ADGRF3: variants seen among roughly 807,000 people sequenced by gnomAD.
ADGRF3 encodes the protein adhesion G protein-coupled receptor F3, also known as G protein-coupled receptor 113.
ADGRF3 carries 85 observed loss-of-function variants against 93.2 expected under a neutral mutation model. That is an observed-to-expected ratio of 0.91 (90% CI 0.77 to 1.09). ADGRF3 has a LOEUF of 1.09. Ranked by LOEUF, ADGRF3 falls within the 50% of genes least tolerant of loss-of-function variation. ADGRF3 has a pLI of 0.00. For synonymous variants in ADGRF3, 534 were observed against 532.5 expected, an observed-to-expected ratio of 1.00 and a Z score of -0.04; for missense variants, 1,125 against 1,246.2, an observed-to-expected ratio of 0.90 and a Z score of 1.46.
chr2:26,317,897 C>T, intron 1 of ADGRF3: 1 of 842,548 alleles, frequency 1.2e-6, no homozygotes, highest in Non-Finnish European at 2.0e-6. Flanking sequence ...CTGGACATTG[C>T]TGGCTGGGGC....
chr2:26,320,788 C>G (rs1424117586), intron 1 of ADGRF3, among the ~76,000 whole-genome samples: 11 of 152,102 alleles, frequency 7.2e-5, no homozygotes, highest in Non-Finnish European at 1.0e-4. Context: ...CCAAGCAACA[C>G]ATTACTTAAA....
At chr2:26,317,785 C>A (rs1674832273) in intron 1 of ADGRF3, among the ~76,000 whole-genome samples, 1 of 152,208 alleles carries the variant, frequency 6.6e-6, no homozygotes, top group Non-Finnish European at 1.5e-5. Flanking sequence ...CCAGGCACGC[C>A]CTGGGAAGTC....
intron 1 of ADGRF3, among the ~76,000 whole-genome samples, chr2:26,334,464 G>A (rs1449479305): frequency 6.6e-6 from 1 of 152,088 alleles, no homozygotes; most frequent in Non-Finnish European, 1.5e-5. Context: ...TAGAAAAGCT[G>A]TTAATTCACA....
intron 13 of ADGRF3, 188 bp from the exon 14 acceptor site, chr2:26,309,295 C>T (rs1673822770): frequency 1.3e-6 from 2 of 1,524,056 alleles, no homozygotes; most frequent in Admixed American, 4.3e-5. Context: ...GGTGAAACTT[C>T]TTGCTTTCTT....
chr2:26,314,315 C>G, intron 6 of ADGRF3, 99 bp downstream of exon 6: 1 of 1,132,450 alleles, frequency 8.8e-7, no homozygotes, highest in Admixed American at 2.5e-5. Context: ...TCTGGTTGAA[C>G]TGTGGCCTCT....
rs1181686097 is a variant in ADGRF3 at position 26,311,192 on chromosome 2, A to G, written c.2332T>C (p.Phe778Leu). The change falls in exon 10 of 14, where the codon TTC becomes CTC. Residue 778 changes from phenylalanine to leucine, a missense_variant. By Grantham distance (22) the Phe-to-Leu change is conservative. Coordinates refer to ENST00000651242, the MANE Select transcript of ADGRF3 (RefSeq NM_001321971.2). ...PRSPLCLAAA[F>L]LCHFLYLATF... Reference sequence around the variant, plus strand: ...GCCAGGTAGAGGAAATGACAGAGGAAGGCGGCAGCAAGGCAGAGCGGGCTT... The same window carrying G: ...GCCAGGTAGAGGAAATGACAGAGGAGGGCGGCAGCAAGGCAGAGCGGGCTT... The G allele has an allele frequency of 1.9e-6, 3 of 1,600,322 alleles. No individual in the cohort carries two copies. The African/African-American group carries it at 4.0e-5, about 21-fold the overall frequency.
intron 13 of ADGRF3, 59 bp from the exon 14 acceptor site, chr2:26,309,166 T>G (rs115466664): frequency 0.01 from 16,851 of 1,613,904 alleles, 133 homozygotes; most frequent in Middle Eastern, 0.033. Flanking sequence ...CAGGCTGCCC[T>G]CCCCTCTGGA....
At chr2:26,316,219 T>G in intron 4 of ADGRF3, 56 bp downstream of exon 4, 1 of 1,506,830 alleles carries the variant, frequency 6.6e-7, no homozygotes. Context: ...AGAAAACCAC[T>G]GAGAACATTT....
At chr2:26,343,453 T>A (rs1028408359) in intron 1 of ADGRF3, among the ~76,000 whole-genome samples, 6 of 152,108 alleles carry the variant, frequency 3.9e-5, no homozygotes, top group Admixed American at 6.5e-5. Flanking sequence ...TTTTTTTATT[T>A]TTTTGAGACA....
At chr2:26,336,649 C>G (rs1330025937) in intron 1 of ADGRF3, among the ~76,000 whole-genome samples, 1 of 143,250 alleles carries the variant, frequency 7.0e-6, no homozygotes, top group Non-Finnish European at 1.5e-5. Flanking sequence ...TCTCTTCAGC[C>G]CAGGAGGTGG....
intron 1 of ADGRF3, chr2:26,319,224 G>C: frequency 1.6e-6 from 1 of 625,576 alleles, no homozygotes; most frequent in Non-Finnish European, 2.7e-6. Flanking sequence ...TCACTGTGGG[G>C]GCCACCTGGA....
At chr2:26,309,456 A>T (rs1423194844) in intron 13 of ADGRF3, 70 bp downstream of exon 13, 6 of 1,573,244 alleles carry the variant, frequency 3.8e-6, no homozygotes, top group Non-Finnish European at 5.2e-6. Flanking sequence ...GCACTTTGCC[A>T]GGAGGCCCTT....
intron 1 of ADGRF3, among the ~76,000 whole-genome samples, chr2:26,341,722 T>A (rs2147929736): frequency 6.6e-6 from 1 of 152,270 alleles, no homozygotes; most frequent in Non-Finnish European, 1.5e-5. Flanking sequence ...GGTCTTGAAT[T>A]CCTGGGCTCA....
intron 1 of ADGRF3, among the ~76,000 whole-genome samples, chr2:26,343,175 A>G (rs1176497532): frequency 6.6e-6 from 1 of 152,146 alleles, no homozygotes; most frequent in East Asian, 1.9e-4. Context: ...TTTCAGCTCC[A>G]CTATAATCTT....
chr2:26,335,735 T>C (rs1245940607), intron 1 of ADGRF3, among the ~76,000 whole-genome samples: 1 of 152,200 alleles, frequency 6.6e-6, no homozygotes, highest in Non-Finnish European at 1.5e-5. Context: ...ACAGTTTAAG[T>C]TCTTATATAA....
chr2:26,327,824 G>A (rs926104650), intron 1 of ADGRF3, among the ~76,000 whole-genome samples: 12 of 149,410 alleles, frequency 8.0e-5, no homozygotes, highest in Admixed American at 2.7e-4. Context: ...AGAAATAAAC[G>A]TCTTCTTTTA....
At chr2:26,321,563 A>G (rs1217606420) in intron 1 of ADGRF3, among the ~76,000 whole-genome samples, 2 of 152,090 alleles carry the variant, frequency 1.3e-5, no homozygotes, top group African/African-American at 4.8e-5. Flanking sequence ...TGCCGAGGGG[A>G]GACTGAGCCA....
At chr2:26,335,679 T>C (rs902061095) in intron 1 of ADGRF3, among the ~76,000 whole-genome samples, 1 of 151,732 alleles carries the variant, frequency 6.6e-6, no homozygotes, top group African/African-American at 2.4e-5. Context: ...CACTTATTTC[T>C]CTTTCTAATA....
chr2:26,345,528 T>TC (rs766948449), intron 1 of ADGRF3, among the ~76,000 whole-genome samples: 3 of 152,096 alleles, frequency 2.0e-5, no homozygotes, highest in Non-Finnish European at 4.4e-5. Context: ...GTCTTTCAAG[T>TC]CCCTCTGCTG....
Sources: allele counts gnomAD v4.1 joint callset (sites outside exome capture counted in the v4.1 genomes callset), GRCh38; gene constraint gnomAD v4.1.1; transcripts MANE v1.5; gene names NCBI Gene and HGNC (gene_info 2026-07-23, HGNC 2026-07-21).